LUZP2: variants seen among roughly 807,000 people sequenced by gnomAD.
LUZP2 encodes leucine zipper protein 2.
LUZP2 carries 52 observed loss-of-function variants against 51.6 expected under a neutral mutation model. The observed-to-expected ratio is 1.01, with a 90% CI of 0.81 to 1.27. The LOEUF is 1.27. LUZP2 is among the 50% of genes most tolerant of loss of function. The pLI, the probability that LUZP2 is intolerant of heterozygous loss-of-function variation, is 0.00. For synonymous variants in LUZP2, 154 were observed against 137.3 expected, an observed-to-expected ratio of 1.12 and a Z score of -0.85; for missense variants, 436 against 395.4, an observed-to-expected ratio of 1.10 and a Z score of -0.87.
At chr11:24,759,799 G>A (rs1255518576) in intron 4 of LUZP2, among the ~76,000 whole-genome samples, 1 of 152,096 alleles carries the variant, frequency 6.6e-6, no homozygotes, top group East Asian at 1.9e-4. Flanking sequence ...TTTTGAATGG[G>A]GTTAGGTTCT....
intron 5 of LUZP2, among the ~76,000 whole-genome samples, chr11:24,871,884 C>A (rs1852087491): frequency 6.6e-6 from 1 of 152,002 alleles, no homozygotes; most frequent in Non-Finnish European, 1.5e-5. Flanking sequence ...AATAATTTCC[C>A]CAAACTATAA....
intron 9 of LUZP2, among the ~76,000 whole-genome samples, chr11:25,001,363 C>G (rs1405423833): frequency 1.3e-5 from 2 of 152,158 alleles, no homozygotes; most frequent in African/African-American, 2.4e-5. Context: ...CCTATTACGT[C>G]TTTTTTCCTT....
At chr11:24,824,904 A>G (rs1850478816) in intron 5 of LUZP2, among the ~76,000 whole-genome samples, 1 of 152,142 alleles carries the variant, frequency 6.6e-6, no homozygotes. Context: ...TATGCCAAAT[A>G]AAATTTTTGC....
intron 5 of LUZP2, among the ~76,000 whole-genome samples, chr11:24,849,185 C>T (rs778730454): frequency 1.6e-4 from 24 of 152,030 alleles, no homozygotes; most frequent in Non-Finnish European, 2.8e-4. Context: ...GAACGTACAG[C>T]TTTGTTACAT....
chr11:24,711,088 G>C (rs1473249182), intron 1 of LUZP2, among the ~76,000 whole-genome samples: 3 of 152,118 alleles, frequency 2.0e-5, no homozygotes, highest in African/African-American at 7.2e-5. Context: ...CAATAAAATA[G>C]CTCCATATCC....
intron 1 of LUZP2, among the ~76,000 whole-genome samples, chr11:24,612,060 A>T (rs1854141671): frequency 6.6e-6 from 1 of 152,160 alleles, no homozygotes; most frequent in Non-Finnish European, 1.5e-5. Flanking sequence ...GAAAATTATG[A>T]AATTCTAAGG....
intron 5 of LUZP2, among the ~76,000 whole-genome samples, chr11:24,861,555 C>T (rs1038598703): frequency 6.0e-5 from 9 of 150,512 alleles, no homozygotes; most frequent in South Asian, 2.1e-4. Flanking sequence ...ACATAATTGC[C>T]GGGTCCGTCC....
chr11:24,586,021 CA>C (rs1320241876), intron 1 of LUZP2, among the ~76,000 whole-genome samples: 1 of 151,968 alleles, frequency 6.6e-6, no homozygotes, highest in Non-Finnish European at 1.5e-5. Flanking sequence ...TCATTTTTTA[CA>C]ATATGCCTCT....
At chr11:25,024,454 G>A (rs535452043) in intron 9 of LUZP2, among the ~76,000 whole-genome samples, 29 of 152,126 alleles carry the variant, frequency 1.9e-4, no homozygotes, top group African/African-American at 6.7e-4. Context: ...CAAAGTCTCA[G>A]GATACAAAAT....
intron 1 of LUZP2, among the ~76,000 whole-genome samples, chr11:24,613,123 A>G (rs1256297653): frequency 6.6e-6 from 1 of 152,112 alleles, no homozygotes; most frequent in Non-Finnish European, 1.5e-5. Flanking sequence ...AAAAACAGCT[A>G]CTGGATAGTG....
At chr11:24,984,783 C>T (rs555325422) in intron 9 of LUZP2, among the ~76,000 whole-genome samples, 2 of 150,994 alleles carry the variant, frequency 1.3e-5, no homozygotes, top group Admixed American at 1.3e-4. Flanking sequence ...TTTATAAAAT[C>T]GAGATGCAGG....
Position 25,004,235 on chromosome 11 carries a change from C to A in LUZP2, c.765+20942C>A, listed in dbSNP as rs556084466. 1.6e-3 allele frequency among the ~76,000 whole-genome samples: 238 copies of A among 152,262 alleles called. 3 individuals are homozygous for A. The highest frequency in any genetic ancestry group is 2.1e-3 in the South Asian group (10 of 4,828). ...CCTTCCAGTGATTGCCTCAGCATAG[C>A]GGACATGGACGAGGGGGTGGCTTGT... On this transcript the variant is annotated intron_variant, in intron 9 of 11. Coordinates refer to ENST00000336930, the MANE Select transcript of LUZP2 (RefSeq NM_001009909.4).
At chr11:24,969,540 G>A (rs745591499) in intron 7 of LUZP2, among the ~76,000 whole-genome samples, 54 of 151,874 alleles carry the variant, frequency 3.6e-4, no homozygotes, top group Non-Finnish European at 6.2e-4. Flanking sequence ...TTGAGTTTAG[G>A]CCTAAACATC....
intron 1 of LUZP2, among the ~76,000 whole-genome samples, chr11:24,530,066 C>G (rs1268642414): frequency 1.3e-5 from 2 of 150,796 alleles, no homozygotes; most frequent in Non-Finnish European, 3.0e-5. Flanking sequence ...GGGTATTAAC[C>G]TTCTTTAATT....
intron 1 of LUZP2, among the ~76,000 whole-genome samples, chr11:24,672,121 G>A (rs895467806): frequency 3.3e-5 from 5 of 151,982 alleles, no homozygotes; most frequent in African/African-American, 1.2e-4. Flanking sequence ...TACAAGTATT[G>A]AACCCACTTA....
Position 25,009,950 on chromosome 11 carries a change from G to C in LUZP2, c.765+26657G>C, listed in dbSNP as rs577733496. ...ATTAAGGATATTTTAGTCTACCTTG[G>C]CTTAAAAATATTTTTTAAATTTCTT... On this transcript the variant is annotated intron_variant, in intron 9 of 11. Transcript: ENST00000336930. Among the ~76,000 whole-genome samples, 39 of 152,034 alleles carry C rather than the reference G, an allele frequency of 2.6e-4. 1 individual carries two copies. Among genetic ancestry groups the C allele is most frequent in the Admixed American group, 9.8e-4 (15 of 15,266 alleles).
intron 5 of LUZP2, among the ~76,000 whole-genome samples, chr11:24,822,439 G>A (rs934541676): frequency 2.0e-5 from 3 of 152,100 alleles, no homozygotes; most frequent in South Asian, 4.1e-4. Flanking sequence ...GTGGGTGTGG[G>A]TGTGTGTTCA....
chr11:24,933,720 G>A (rs764934010), intron 7 of LUZP2, among the ~76,000 whole-genome samples: 10 of 152,072 alleles, frequency 6.6e-5, no homozygotes, highest in East Asian at 3.9e-4. Flanking sequence ...ACTGTCATGC[G>A]CATCTGTGTG....
At chr11:24,911,724 A>T (rs1853643491) in intron 6 of LUZP2, among the ~76,000 whole-genome samples, 1 of 152,082 alleles carries the variant, frequency 6.6e-6, no homozygotes, top group Admixed American at 6.5e-5. Flanking sequence ...GAGTAAATTA[A>T]CATAATAAGA....
Sources: allele counts gnomAD v4.1 joint callset (sites outside exome capture counted in the v4.1 genomes callset), GRCh38; gene constraint gnomAD v4.1.1; transcripts MANE v1.5; gene names NCBI Gene and HGNC (gene_info 2026-07-23, HGNC 2026-07-21).